APPBP2: variants seen among roughly 807,000 people sequenced by gnomAD.
The protein encoded by APPBP2 is amyloid beta precursor protein binding protein 2, also known as amyloid protein-binding protein 2.
Under a neutral mutation model 76.0 loss-of-function variants are expected in APPBP2, and 15 were observed. The observed-to-expected ratio is 0.20, with a 90% CI of 0.13 to 0.30. APPBP2 has a LOEUF of 0.30. Ranked by LOEUF, APPBP2 falls within the 10% of genes least tolerant of loss-of-function variation. The pLI, the probability that APPBP2 is intolerant of heterozygous loss-of-function variation, is 1.00. For missense variants in APPBP2, 401 were observed against 687.2 expected (o/e 0.58, Z 4.66); for synonymous variants, 222 against 242.2 (o/e 0.92, Z 0.77).
intron 4 of APPBP2, among the ~76,000 whole-genome samples, chr17:60,476,104 T>C (rs1235096404): frequency 1.3e-5 from 2 of 152,118 alleles, no homozygotes; most frequent in African/African-American, 4.8e-5. Context: ...CAGACATGTA[T>C]AAGCAAGAAA....
chr17:60,508,513 C>T (rs527823607), intron 1 of APPBP2, among the ~76,000 whole-genome samples: 1 of 152,268 alleles, frequency 6.6e-6, no homozygotes, highest in East Asian at 1.9e-4. Context: ...AGAAGGAAAA[C>T]AGAGTAGTTT....
intron 1 of APPBP2, among the ~76,000 whole-genome samples, chr17:60,507,162 G>C (rs1290814384): frequency 1.3e-5 from 2 of 152,084 alleles, no homozygotes; most frequent in Non-Finnish European, 2.9e-5. Flanking sequence ...CCATACCCAA[G>C]TAGCAAAACA....
intron 4 of APPBP2, among the ~76,000 whole-genome samples, chr17:60,472,630 T>C (rs1156494753): frequency 6.6e-6 from 1 of 152,208 alleles, no homozygotes; most frequent in Non-Finnish European, 1.5e-5. Flanking sequence ...CTAGAGAACG[T>C]GGAATCTGCA....
At chr17:60,500,733 A>G (rs2090816468) in intron 1 of APPBP2, among the ~76,000 whole-genome samples, 1 of 152,228 alleles carries the variant, frequency 6.6e-6, no homozygotes, top group Admixed American at 6.5e-5. Flanking sequence ...AAAGTGCTGT[A>G]TAATTATGTA....
chr17:60,459,192 G>A (rs1216145411), intron 9 of APPBP2, among the ~76,000 whole-genome samples: 1 of 152,034 alleles, frequency 6.6e-6, no homozygotes, highest in Non-Finnish European at 1.5e-5. Context: ...TTTAGGTAAA[G>A]CTTCGTCTAT....
intron 3 of APPBP2, among the ~76,000 whole-genome samples, chr17:60,489,610 C>CAAAAAAAAAAAAAAAAAAAAA (rs746715643): frequency 1.9e-5 from 1 of 53,594 alleles, no homozygotes. Flanking sequence ...GACCATGTCT[C>CAAAAAAAAAAAAAAAAAAAAA]AAAAAAAAAA....
intron 9 of APPBP2, among the ~76,000 whole-genome samples, chr17:60,458,142 G>A (rs1278055244): frequency 6.6e-6 from 1 of 151,786 alleles, no homozygotes; most frequent in African/African-American, 2.4e-5. Flanking sequence ...TTTAAAATCT[G>A]CCCTTTTCCA....
intron 1 of APPBP2, among the ~76,000 whole-genome samples, chr17:60,525,039 C>CA (rs1399095974): frequency 1.3e-5 from 2 of 152,168 alleles, no homozygotes; most frequent in African/African-American, 4.8e-5. Context: ...ACTTGCTGTT[C>CA]AGATTTTTGA....
chr17:60,466,202 G>C (rs987015935), intron 5 of APPBP2, 89 bp downstream of exon 5: 1 of 1,271,084 alleles, frequency 7.9e-7, no homozygotes, highest in African/African-American at 1.5e-5. Flanking sequence ...AAAGAGATCT[G>C]TAAGAAAAAT....
At position 60,446,607 on chromosome 17, in the gene APPBP2, T is replaced by G. The variant is rs1433493782; in HGVS notation, c.*974A>C. 2.6e-5 allele frequency: 4 copies of G among 152,200 alleles called. No homozygotes were observed. The highest frequency in any genetic ancestry group is 9.6e-5 in the African/African-American group (4 of 41,464). The allele number at this position is 152,200 out of a possible 1,614,324, so 9.4% of individuals were successfully genotyped here. A position where few individuals can be genotyped will look rare whatever the true frequency, so the allele number is the denominator to read the frequency against. ...CTGCATTGATTATTAGGGCAACATTTAAAATGAGGGGGATGGCTGCAGCCG... is the reference window on the plus strand; with the variant it reads ...CTGCATTGATTATTAGGGCAACATTGAAAATGAGGGGGATGGCTGCAGCCG... On this transcript the variant is annotated 3_prime_UTR_variant, in exon 13 of 13. Coordinates refer to ENST00000083182, the MANE Select transcript of APPBP2 (RefSeq NM_006380.5).
rs1270696525 is a variant in APPBP2, at chr17:60,501,211, T to C, written c.139-724A>G. Reference sequence around the variant, plus strand: ...CCTGTAGTCTCAGCTATTTGGGAGGTTGAGGCAAGGGGACTGCTTGAGCCC... The same window carrying C: ...CCTGTAGTCTCAGCTATTTGGGAGGCTGAGGCAAGGGGACTGCTTGAGCCC... On this transcript the variant is annotated intron_variant, in intron 1 of 12. Coordinates refer to ENST00000083182, the MANE Select transcript of APPBP2 (RefSeq NM_006380.5). 3.3e-5 allele frequency among the ~76,000 whole-genome samples: 5 copies of C among 151,154 alleles called. No homozygotes were observed. In the East Asian group the frequency reaches 9.7e-4, roughly 29 times the overall value.
chr17:60,451,875 C>G lies in APPBP2; in HGVS notation c.1504+5G>C, dbSNP rs777500818. On this transcript the variant is annotated splice_donor_5th_base_variant and intron_variant, in intron 12 of 12. Coordinates refer to ENST00000083182, the MANE Select transcript of APPBP2 (RefSeq NM_006380.5). ...CTGACTAAAGAAAATTTAAATGTAA[C>G]ATACCAATTGCTATAGATCGCAAAT... is the stretch of plus-strand genomic sequence containing the variant. 3 of 1,598,796 alleles carry G rather than the reference C, an allele frequency of 1.9e-6. No individual in the cohort carries two copies. The highest frequency in any genetic ancestry group is 2.6e-6 in the Non-Finnish European group (3 of 1,173,480).
intron 3 of APPBP2, among the ~76,000 whole-genome samples, chr17:60,486,561 T>G (rs1276016985): frequency 1.3e-5 from 2 of 152,182 alleles, no homozygotes. Context: ...TCTTTCTCCA[T>G]CCCTTTATTT....
intron 3 of APPBP2, among the ~76,000 whole-genome samples, chr17:60,480,332 C>A (rs1293723854): frequency 2.0e-5 from 3 of 152,050 alleles, no homozygotes; most frequent in Non-Finnish European, 2.9e-5. Flanking sequence ...GAGATCACAC[C>A]ACTGCCCTCC....
chr17:60,481,514 CTTG>C (rs1438367397), intron 3 of APPBP2, among the ~76,000 whole-genome samples: 4 of 152,146 alleles, frequency 2.6e-5, no homozygotes, highest in Non-Finnish European at 5.9e-5. Context: ...TCATCCACAT[CTTG>C]TTGAGAAGGA....
At chr17:60,507,380 C>T (rs1339134803) in intron 1 of APPBP2, among the ~76,000 whole-genome samples, 4 of 152,096 alleles carry the variant, frequency 2.6e-5, no homozygotes, top group Non-Finnish European at 4.4e-5. Flanking sequence ...TACCACCATG[C>T]CCGGCTAATT....
At chr17:60,502,478 C>T (rs2090830467) in intron 1 of APPBP2, among the ~76,000 whole-genome samples, 1 of 148,814 alleles carries the variant, frequency 6.7e-6, no homozygotes, top group Admixed American at 6.6e-5. Flanking sequence ...ACTCCAAAAA[C>T]ACTAAGACAA....
intron 9 of APPBP2, among the ~76,000 whole-genome samples, chr17:60,457,436 TG>T (rs143084009): frequency 0.015 from 2,342 of 152,190 alleles, 64 homozygotes; most frequent in African/African-American, 0.052. Flanking sequence ...TTTGTTTGTT[TG>T]TTTTTTTTAC....
intron 1 of APPBP2, among the ~76,000 whole-genome samples, chr17:60,522,958 T>C (rs1484546989): frequency 6.6e-6 from 1 of 152,124 alleles, no homozygotes; most frequent in Non-Finnish European, 1.5e-5. Flanking sequence ...CCTGCTTCTT[T>C]ACCTTCCATT....
Sources: gnomAD v4.1 joint callset for allele counts (sites outside exome capture counted in the v4.1 genomes callset) on GRCh38, gnomAD v4.1.1 for gene constraint, MANE v1.5 for transcripts, NCBI Gene and HGNC (gene_info 2026-07-23, HGNC 2026-07-21) for gene names.